BCL11A: variants seen among roughly 807,000 people sequenced by gnomAD.
BCL11A encodes the protein B cell CLL/lymphoma 11A.
In BCL11A, 2 loss-of-function variants were observed where a neutral mutation model predicts 55.9. That is an observed-to-expected ratio of 0.04 (90% CI 0.01 to 0.11). The LOEUF (loss-of-function observed/expected upper bound fraction) is 0.11. BCL11A is among the 10% of genes least tolerant of loss of function. The probability of loss-of-function intolerance (pLI) is 1.00; values close to 1 mark genes in which losing one functional copy is unlikely to be tolerated. For synonymous variants in BCL11A, 465 were observed against 473.4 expected (o/e 0.98, Z 0.23); for missense variants, 817 against 1,137.1 (o/e 0.72, Z 4.05).
chr2:60,482,025 T>C (rs765155292), intron 2 of BCL11A, among the ~76,000 whole-genome samples: 2 of 152,204 alleles, frequency 1.3e-5, no homozygotes, highest in Admixed American at 1.3e-4. Flanking sequence ...AGTGGAGGGC[T>C]TGTTTGTCAT....
At chr2:60,499,540 A>C (rs1679162131) in intron 2 of BCL11A, 1 of 152,146 alleles carries the variant, frequency 6.6e-6, no homozygotes, top group African/African-American at 2.4e-5. Flanking sequence ...TGTGTAGCTG[A>C]CTTTAGAGTC....
chr2:60,530,310 A>C (rs1669389721), intron 2 of BCL11A, among the ~76,000 whole-genome samples: 1 of 148,660 alleles, frequency 6.7e-6, no homozygotes, highest in South Asian at 2.2e-4. Flanking sequence ...AGGCCCTTCC[A>C]ACAAGTTAAA....
chr2:60,467,111 G>GTGGTGGTGGTGGTGA (rs1558618108), intron 3 of BCL11A, among the ~76,000 whole-genome samples: 3 of 136,202 alleles, frequency 2.2e-5, no homozygotes, highest in Admixed American at 7.3e-5. Context: ...GGTGGTGGTA[G>GTGGTGGTGGTGGTGA]TGGTGGTGGT....
In BCL11A at chr2:60,460,190, GAAAAAA is replaced by G. The variant is rs1230856359; in HGVS notation, c.*208_*213del. 174 of 1,272,236 alleles carry G rather than the reference GAAAAAA, an allele frequency of 1.4e-4. No homozygotes were observed. Among genetic ancestry groups the G allele is most frequent in the Middle Eastern group, 3.0e-4 (1 of 3,342 alleles). The allele number at this position is 1,272,236 out of a possible 1,614,324, so 78.8% of individuals were successfully genotyped here. A position where few individuals can be genotyped will look rare whatever the true frequency, so the allele number is the denominator to read the frequency against. ...AAGGAAAAAAAAAAAAAAGGAAAAA[GAAAAAA>G]GAAAAAGAAAAAGAAAAAAAACAGG... On this transcript the variant is annotated 3_prime_UTR_variant, in exon 4 of 4. Coordinates refer to ENST00000642384, the MANE Select transcript of BCL11A (RefSeq NM_022893.4).
intron 2 of BCL11A, chr2:60,483,874 C>G (rs976198623): frequency 2.3e-5 from 3 of 131,102 alleles, no homozygotes; most frequent in African/African-American, 9.3e-5. Context: ...TTCTTTCCTT[C>G]TTTTTCTTTC....
intron 2 of BCL11A, among the ~76,000 whole-genome samples, chr2:60,490,415 T>C (rs977766490): frequency 1.3e-5 from 2 of 152,198 alleles, no homozygotes; most frequent in African/African-American, 2.4e-5. Flanking sequence ...TATTCCAGTC[T>C]TAGTTCCCCG....
At chr2:60,523,217 C>T (rs1369776797) in intron 2 of BCL11A, among the ~76,000 whole-genome samples, 1 of 152,118 alleles carries the variant, frequency 6.6e-6, no homozygotes, top group Non-Finnish European at 1.5e-5. Flanking sequence ...CGTGTTGCAA[C>T]CTAGAGAAAG....
At chr2:60,549,540 G>T (rs1474764222) in intron 1 of BCL11A, among the ~76,000 whole-genome samples, 1 of 152,208 alleles carries the variant, frequency 6.6e-6, no homozygotes. Flanking sequence ...GGGACTCTGA[G>T]GCACAAAGCG....
In BCL11A at chr2:60,471,500, C is replaced by T. The variant is rs570441569; in HGVS notation, c.386-2667G>A. ...TAAATTGTTAATAGCCTCCCTAGGG[C>T]TTAACTTCTTGCTATGATGCCTTCA... On this transcript the variant is annotated intron_variant, in intron 2 of 3. Transcript: ENST00000642384. 2.8e-4 allele frequency among the ~76,000 whole-genome samples: 42 copies of T among 152,334 alleles called. 1 individual carries two copies. The South Asian group carries it at 8.5e-3, about 31-fold the overall frequency.
chr2:60,454,179 C>A (rs1424735802), downstream of BCL11A, among the ~76,000 whole-genome samples: 1 of 152,088 alleles, frequency 6.6e-6, no homozygotes, highest in African/African-American at 2.4e-5. Flanking sequence ...ACCGGACAAC[C>A]CATGTCCACA....
rs778837788 is a variant in BCL11A, at chr2:60,460,435, C to T, written c.2477G>A (p.Arg826Gln). 1.9e-6 allele frequency: 3 copies of T among 1,606,214 alleles called. No individual in the cohort carries two copies. The highest frequency in any genetic ancestry group is 2.7e-5 in the African/African-American group (2 of 74,756). The change falls in exon 4 of 4, where the codon CGA becomes CAA. Residue 826 changes from arginine to glutamine, a missense_variant. By Grantham distance (43) the Arg-to-Gln change is conservative. This residue lies in a region of BCL11A where 30 missense variants were observed against 116.3 expected (regional missense o/e 0.26). Transcript: ENST00000642384. ...AGTTTTTATATCATTATTCAACACT[C>T]GATCACTGTGCCATTTTTTCATGTG... is the stretch of plus-strand genomic sequence containing the variant. ...EKHMKKWHSD[R>Q]VLNNDIKTE
At position 60,460,875 on chromosome 2, in the gene BCL11A, G is replaced by A; in HGVS notation, c.2037C>T (p.Ser679=). 1 of 1,613,288 alleles carries A rather than the reference G, an allele frequency of 6.2e-7. No individual in the cohort carries two copies. Among genetic ancestry groups the A allele is most frequent in the Non-Finnish European group, 8.5e-7 (1 of 1,180,044 alleles). The part of the protein sequence containing the change: ...LKDPFLSFGD[S]RQSPFASSSE... ...ACGAGGAGGCAAAAGGCGATTGTCT[G>A]GAGTCTCCGAAGCTAAGGAAGGGAT... Residue 679 remains serine, a synonymous_variant, in exon 4 of 4, where the codon TCC becomes TCT. Coordinates refer to ENST00000642384, the MANE Select transcript of BCL11A (RefSeq NM_022893.4).
intron 2 of BCL11A, among the ~76,000 whole-genome samples, chr2:60,486,150 A>T (rs1427762878): frequency 6.6e-6 from 1 of 152,224 alleles, no homozygotes; most frequent in Non-Finnish European, 1.5e-5. Flanking sequence ...ATTTGACTGA[A>T]CAGCTGCTGA....
At chr2:60,489,338 G>C (rs112124288) in intron 2 of BCL11A, among the ~76,000 whole-genome samples, 60 of 152,264 alleles carry the variant, frequency 3.9e-4, no homozygotes, top group African/African-American at 1.4e-3. Context: ...TACAATAGAG[G>C]CATTTGGAAC....
At chr2:60,479,946 T>C (rs1376711495) in intron 2 of BCL11A, among the ~76,000 whole-genome samples, 3 of 152,214 alleles carry the variant, frequency 2.0e-5, no homozygotes, top group Non-Finnish European at 4.4e-5. Flanking sequence ...AAATCTGAAG[T>C]TGACAGGTTG....
In BCL11A at chr2:60,460,168, G is replaced by GAAAAAAAAAAA. The variant is rs35238724; in HGVS notation, c.*225_*235dup. The GAAAAAAAAAAA allele has an allele frequency of 1.2e-6, 1 of 815,410 alleles. No individual in the cohort carries two copies. The highest frequency in any genetic ancestry group is 1.5e-6 in the Non-Finnish European group (1 of 652,646). The allele number at this position is 815,410 out of a possible 1,614,324, so 50.5% of individuals were successfully genotyped here. ...GCATTCAAACGGTGAGAACATAAAG[G>GAAAAAAAAAAA]AAAAAAAAAAAAAAGGAAAAAGAAA... On this transcript the variant is annotated 3_prime_UTR_variant, in exon 4 of 4. Transcript: ENST00000642384.
At position 60,502,497 on chromosome 2, in the gene BCL11A, A is replaced by G. The variant is rs771731585; in HGVS notation, c.386-33664T>C. Among the ~76,000 whole-genome samples the G allele has an allele frequency of 9.2e-5, 14 of 152,360 alleles. No individual in the cohort carries two copies. In the Middle Eastern group the frequency reaches 0.014, roughly 148 times the overall value. ...TGAGCTCTGCCATCACACACTTTGTACATACAATTCTGGGATCTCAGGTAT... is the reference window on the plus strand; with the variant it reads ...TGAGCTCTGCCATCACACACTTTGTGCATACAATTCTGGGATCTCAGGTAT... On this transcript the variant is annotated intron_variant, in intron 2 of 3. Transcript: ENST00000642384.
chr2:60,467,954 C>A (rs1181313019), intron 3 of BCL11A, among the ~76,000 whole-genome samples: 1 of 7,904 alleles, frequency 1.3e-4, no homozygotes, highest in Non-Finnish European at 3.1e-4. Flanking sequence ...GGTGATGGTA[C>A]TGGTGGTGAT....
intron 3 of BCL11A, among the ~76,000 whole-genome samples, chr2:60,467,875 G>A (rs866671702): frequency 1.4e-3 from 168 of 120,648 alleles, no homozygotes; most frequent in Middle Eastern, 4.6e-3. Flanking sequence ...TACTGGTGGT[G>A]ATGGTGGTGG....
Sources: gnomAD v4.1 joint callset for allele counts (sites outside exome capture counted in the v4.1 genomes callset) on GRCh38, gnomAD v4.1.1 for gene constraint, gnomAD v4.1.1 regional missense constraint, MANE v1.5 for transcripts, NCBI Gene and HGNC (gene_info 2026-07-23, HGNC 2026-07-21) for gene names.